Variants in FKBP5 observed in about 807,000 individuals in gnomAD.
FKBP5 encodes FKBP prolyl isomerase 5.
FKBP5 carries 23 observed loss-of-function variants against 50.5 expected under a neutral mutation model. The observed-to-expected ratio is 0.46, with a 90% confidence interval of 0.33 to 0.65. The LOEUF (loss-of-function observed/expected upper bound fraction) is 0.65. FKBP5 is among the 30% of genes least tolerant of loss of function. FKBP5 has a pLI of 0.02. For synonymous variants in FKBP5, 176 were observed against 190.6 expected (o/e 0.92, Z 0.63); for missense variants, 411 against 553.1 (o/e 0.74, Z 2.58).
upstream of FKBP5, among the ~76,000 whole-genome samples, chr6:35,693,765 C>A (rs1168860343): frequency 6.6e-6 from 1 of 151,836 alleles, no homozygotes; most frequent in Non-Finnish European, 1.5e-5. Context: ...AGGTGATCCG[C>A]CCGCCTCGGC....
chr6:35,593,272 C>T (rs77962862), intron 6 of FKBP5, among the ~76,000 whole-genome samples: 2,607 of 152,270 alleles, frequency 0.017, 38 homozygotes, highest in Non-Finnish European at 0.03. Flanking sequence ...AGGAATTCAG[C>T]GTTAATGCCC....
At position 35,580,305 on chromosome 6, in the gene FKBP5, T is replaced by G. The variant is rs1459598015; in HGVS notation, c.841-84A>C. 4 of 1,050,258 alleles carry G rather than the reference T, an allele frequency of 3.8e-6. No individual in the cohort carries two copies. The African/African-American group carries it at 4.7e-5, about 12-fold the overall frequency. The allele number at this position is 1,050,258 out of a possible 1,614,324, so 65.1% of individuals were successfully genotyped here. ...CAAATCCTCAAAGTGAAGCAACCCC[T>G]CCAGCAAACCCTGGTACAGCTGGTT... On this transcript the variant is annotated intron_variant, in intron 8 of 10. Coordinates refer to ENST00000357266, the MANE Select transcript of FKBP5 (RefSeq NM_004117.4).
intron 1 of FKBP5, among the ~76,000 whole-genome samples, chr6:35,644,976 A>AC (rs1764591019): frequency 6.6e-6 from 1 of 152,198 alleles, no homozygotes; most frequent in African/African-American, 2.4e-5. Flanking sequence ...TTGGGAAAGT[A>AC]CCCCACAGAT....
chr6:35,619,289 T>C (rs946155845), intron 4 of FKBP5, 79 bp from the exon 5 acceptor site: 19 of 808,656 alleles, frequency 2.3e-5, no homozygotes, highest in Non-Finnish European at 3.7e-5. Context: ...GGGCAACCAA[T>C]TATTTCATTT....
chr6:35,629,395 T>C (rs1377687567), intron 3 of FKBP5, among the ~76,000 whole-genome samples: 1 of 152,234 alleles, frequency 6.6e-6, no homozygotes, highest in East Asian at 1.9e-4. Flanking sequence ...AATTTATGTT[T>C]AAGACTCTTT....
intron 1 of FKBP5, among the ~76,000 whole-genome samples, chr6:35,721,347 C>CAA (rs11372409): frequency 1.3e-4 from 18 of 138,046 alleles, no homozygotes; most frequent in African/African-American, 3.0e-4. Flanking sequence ...ACTCTGTCTC[C>CAA]AAAAAAAAAA....
chr6:35,621,086 T>C (rs113153747), intron 3 of FKBP5, among the ~76,000 whole-genome samples: 25 of 152,126 alleles, frequency 1.6e-4, no homozygotes, highest in African/African-American at 5.8e-4. Context: ...ATCAGAAAAA[T>C]GTTCCTTTAA....
At chr6:35,670,928 C>G (rs1765369647) in intron 1 of FKBP5, among the ~76,000 whole-genome samples, 1 of 151,634 alleles carries the variant, frequency 6.6e-6, no homozygotes, top group Non-Finnish European at 1.5e-5. Context: ...TATGGTAATA[C>G]CAAAGTTTGT....
At chr6:35,595,576 C>T (rs184862046) in intron 6 of FKBP5, among the ~76,000 whole-genome samples, 114 of 152,038 alleles carry the variant, frequency 7.5e-4, no homozygotes, top group African/African-American at 2.4e-3. Flanking sequence ...CATGGCAAAA[C>T]CCTGTCTCCA....
chr6:35,686,991 C>T (rs1158169059), intron 1 of FKBP5, among the ~76,000 whole-genome samples: 1 of 152,080 alleles, frequency 6.6e-6, no homozygotes, highest in African/African-American at 2.4e-5. Flanking sequence ...AAAATAGTCA[C>T]AATTATTGGT....
At chr6:35,635,898 C>T (rs1032388567) in intron 3 of FKBP5, among the ~76,000 whole-genome samples, 1 of 152,144 alleles carries the variant, frequency 6.6e-6, no homozygotes, top group Admixed American at 6.5e-5. Context: ...AGCCCTTTAA[C>T]AACCTTTTAG....
chr6:35,614,603 T>C (rs1763588488), intron 5 of FKBP5, among the ~76,000 whole-genome samples: 1 of 152,164 alleles, frequency 6.6e-6, no homozygotes, highest in Admixed American at 6.5e-5. Flanking sequence ...AAAGGTACTA[T>C]AAACAAATAT....
At chr6:35,640,772 C>G (rs1764462756) in intron 2 of FKBP5, among the ~76,000 whole-genome samples, 2 of 151,716 alleles carry the variant, frequency 1.3e-5, no homozygotes, top group Admixed American at 6.6e-5. Context: ...ACTTTTTAAA[C>G]TTTTTTTTGT....
chr6:35,698,649 T>TAATA (rs1014330984), intron 2 of FKBP5, among the ~76,000 whole-genome samples: 5 of 151,978 alleles, frequency 3.3e-5, no homozygotes, highest in East Asian at 3.9e-4. Flanking sequence ...TCTCAAAAAA[T>TAATA]AATAAATAAA....
upstream of FKBP5, among the ~76,000 whole-genome samples, chr6:35,691,785 C>T (rs139415020): frequency 7.4e-4 from 112 of 152,274 alleles, no homozygotes; most frequent in African/African-American, 2.4e-3. Flanking sequence ...CTGCAGATAC[C>T]TGGATGTGGG....
chr6:35,706,767 G>T (rs550597364), intron 2 of FKBP5, among the ~76,000 whole-genome samples: 4 of 152,092 alleles, frequency 2.6e-5, no homozygotes, highest in Non-Finnish European at 5.9e-5. Context: ...TATATACAAC[G>T]ATGTTCTCTG....
At chr6:35,685,712 T>C (rs2151012881) in intron 1 of FKBP5, among the ~76,000 whole-genome samples, 1 of 152,320 alleles carries the variant, frequency 6.6e-6, no homozygotes. Context: ...CTAGGCGCGA[T>C]GGCTCACGCC....
At chr6:35,655,258 CCTA>C (rs1181853331) in intron 1 of FKBP5, among the ~76,000 whole-genome samples, 1 of 152,130 alleles carries the variant, frequency 6.6e-6, no homozygotes, top group Non-Finnish European at 1.5e-5. Flanking sequence ...CTACTGAATA[CCTA>C]CTATGTGCCA....
At chr6:35,645,727 A>T (rs139052729) in intron 1 of FKBP5, among the ~76,000 whole-genome samples, 1 of 152,212 alleles carries the variant, frequency 6.6e-6, no homozygotes, top group Non-Finnish European at 1.5e-5. Context: ...GATATCTGCC[A>T]CTTGCTTTCA....
Sources: gnomAD v4.1 joint callset for allele counts (sites outside exome capture counted in the v4.1 genomes callset) on GRCh38, gnomAD v4.1.1 for gene constraint, MANE v1.5 for transcripts, NCBI Gene and HGNC (gene_info 2026-07-23, HGNC 2026-07-21) for gene names.